The following BCAS3 variants were observed in gnomAD, a reference collection of about 807,000 sequenced individuals.
BCAS3 encodes BCAS4/BCAS3 fusion.
A neutral mutation model predicts 116.1 loss-of-function variants in BCAS3; 53 were observed. The ratio of observed to expected loss-of-function variants is 0.46; its 90% CI spans 0.37 to 0.57. BCAS3 has a LOEUF of 0.57. Ranked by LOEUF, BCAS3 falls within the 20% of genes least tolerant of loss-of-function variation. The pLI, the probability that BCAS3 is intolerant of heterozygous loss-of-function variation, is 0.00. For synonymous variants in BCAS3, 391 were observed against 408.2 expected (o/e 0.96, Z 0.51); for missense variants, 917 against 1,165.4 (o/e 0.79, Z 3.10).
At chr17:60,757,574 T>C (rs1430817111) in intron 6 of BCAS3, among the ~76,000 whole-genome samples, 1 of 152,106 alleles carries the variant, frequency 6.6e-6, no homozygotes, top group Admixed American at 6.6e-5. Flanking sequence ...CTTCTTTTGA[T>C]AAATGTCTAT....
intron 22 of BCAS3, chr17:61,086,849 C>G: frequency 2.0e-6 from 2 of 985,326 alleles, no homozygotes; most frequent in Non-Finnish European, 2.4e-6. Context: ...AGCTACCTCT[C>G]AATTGGTTCA....
At chr17:61,359,091 T>C (rs1203817537) in intron 22 of BCAS3, among the ~76,000 whole-genome samples, 1 of 152,140 alleles carries the variant, frequency 6.6e-6, no homozygotes, top group African/African-American at 2.4e-5. Context: ...GCTATGTAAT[T>C]GACGCATAAC....
rs1354123523 is a variant in BCAS3 at position 61,151,711 on chromosome 17, G to GC, written c.2425+67151dup. ...GGGCTCAAGTGAGCCTCCTGCCTTG[G>GC]CCCCGCAAAGTGCTGGGATTACAAG... On this transcript the variant is annotated intron_variant, in intron 22 of 23. Transcript: ENST00000407086. This position sits in a 1 kb window ranked among gnomAD's most constrained non-coding sequence, Gnocchi z 4.8. 2.6e-5 allele frequency among the ~76,000 whole-genome samples: 4 copies of GC among 152,214 alleles called. No homozygotes were observed. In the South Asian group the frequency reaches 6.2e-4, roughly 24 times the overall value.
intron 5 of BCAS3, among the ~76,000 whole-genome samples, chr17:60,717,763 C>T (rs2038799242): frequency 6.6e-6 from 1 of 152,140 alleles, no homozygotes; most frequent in Admixed American, 6.6e-5. Context: ...TTGTGGAAGA[C>T]AGTTTTTCCA....
At chr17:60,878,351 T>G (rs2144933159) in intron 9 of BCAS3, among the ~76,000 whole-genome samples, 1 of 152,222 alleles carries the variant, frequency 6.6e-6, no homozygotes, top group East Asian at 1.9e-4. Context: ...TTTAATATAG[T>G]TGTCAGAAGG....
intron 5 of BCAS3, among the ~76,000 whole-genome samples, chr17:60,715,981 G>C (rs2144055360): frequency 6.6e-6 from 1 of 152,172 alleles, no homozygotes; most frequent in South Asian, 2.1e-4. Context: ...TCCTGCCTCA[G>C]CCTCCTGAGT....
Position 61,349,632 on chromosome 17 carries a change from CAT to C in BCAS3, c.2426-18692_2426-18691del, listed in dbSNP as rs746448080. Among the ~76,000 whole-genome samples the C allele has an allele frequency of 1.6e-4, 25 of 152,166 alleles. No homozygotes were observed. Among genetic ancestry groups the C allele is most frequent in the African/African-American group, 5.5e-4 (23 of 41,444 alleles). Reference sequence around the variant, plus strand: ...AATCCAACATGTTTTTTAAAGCTAGCATATGTTTCAAAGCTGACTATTAAAGA... The same window carrying C: ...AATCCAACATGTTTTTTAAAGCTAGCATGTTTCAAAGCTGACTATTAAAGA... On this transcript the variant is annotated intron_variant, in intron 22 of 23. Transcript: ENST00000407086. This position sits in a 1 kb window ranked among gnomAD's most constrained non-coding sequence, Gnocchi z 4.7.
intron 12 of BCAS3, among the ~76,000 whole-genome samples, chr17:60,919,977 A>G (rs1298880692): frequency 6.6e-6 from 1 of 152,184 alleles, no homozygotes; most frequent in Non-Finnish European, 1.5e-5. Context: ...ATAAATATAC[A>G]TAGTAAAATG....
At chr17:61,075,468 C>G (rs894258627) in intron 20 of BCAS3, among the ~76,000 whole-genome samples, 1 of 152,130 alleles carries the variant, frequency 6.6e-6, no homozygotes, top group African/African-American at 2.4e-5. Flanking sequence ...GCATGCACCA[C>G]CATGCCTGGC....
At chr17:61,322,830 C>CAGAGAGAGAGAGAGAGAGAG (rs1237128472) in intron 22 of BCAS3, among the ~76,000 whole-genome samples, 2 of 75,430 alleles carry the variant, frequency 2.7e-5, no homozygotes, top group Non-Finnish European at 5.5e-5. Flanking sequence ...GAGAGAGAGA[C>CAGAGAGAGAGAGAGAGAGAG]AGAGAGAGAG....
intron 22 of BCAS3, among the ~76,000 whole-genome samples, chr17:61,303,668 C>A (rs1385487828): frequency 6.6e-6 from 1 of 152,204 alleles, no homozygotes; most frequent in Non-Finnish European, 1.5e-5. Context: ...ACCCTCTCTT[C>A]TTTTGCCTAT....
intron 22 of BCAS3, among the ~76,000 whole-genome samples, chr17:61,284,448 C>T (rs764079142): frequency 6.6e-6 from 1 of 152,192 alleles, no homozygotes; most frequent in Non-Finnish European, 1.5e-5. Context: ...CACATCTGAA[C>T]ATCTCAAGGA....
At chr17:60,772,897 T>C (rs1007807187) in intron 6 of BCAS3, among the ~76,000 whole-genome samples, 1 of 152,096 alleles carries the variant, frequency 6.6e-6, no homozygotes, top group African/African-American at 2.4e-5. Flanking sequence ...GGGCTTAACG[T>C]GAAGCAAGTA....
In BCAS3 at chr17:61,130,419, C is replaced by T. The variant is rs2076269698; in HGVS notation, c.2425+45855C>T. Among the ~76,000 whole-genome samples, 1 of 152,144 alleles carries T rather than the reference C, an allele frequency of 6.6e-6. No individual in the cohort carries two copies. ...CCCAATCATTAGAATAACCACAAAACCGATTCTTAATTACCTCTTGCCTGG... is the reference window on the plus strand; with the variant it reads ...CCCAATCATTAGAATAACCACAAAATCGATTCTTAATTACCTCTTGCCTGG... On this transcript the variant is annotated intron_variant, in intron 22 of 23. Coordinates refer to ENST00000407086, the MANE Select transcript of BCAS3 (RefSeq NM_017679.5). This position sits in a 1 kb window ranked among gnomAD's most constrained non-coding sequence, Gnocchi z 5.0.
At chr17:61,237,007 T>G (rs2083113708) in intron 22 of BCAS3, among the ~76,000 whole-genome samples, 1 of 152,186 alleles carries the variant, frequency 6.6e-6, no homozygotes, top group African/African-American at 2.4e-5. Context: ...GGACTTCCTT[T>G]GGTAAAGCAA....
At chr17:60,972,855 C>A (rs933125331) in intron 14 of BCAS3, among the ~76,000 whole-genome samples, 11 of 152,202 alleles carry the variant, frequency 7.2e-5, no homozygotes, top group Non-Finnish European at 1.5e-4. Context: ...TTTTATATTT[C>A]TATATGTTTT....
At chr17:60,992,573 G>A (rs1288195421) in intron 15 of BCAS3, among the ~76,000 whole-genome samples, 7 of 152,072 alleles carry the variant, frequency 4.6e-5, no homozygotes, top group Non-Finnish European at 1.0e-4. Context: ...TACCTGTTGG[G>A]TACTACGCTC....
intron 22 of BCAS3, among the ~76,000 whole-genome samples, chr17:61,154,635 A>C (rs2077729379): frequency 6.6e-6 from 1 of 151,384 alleles, no homozygotes; most frequent in South Asian, 2.1e-4. Flanking sequence ...TATAGATGAG[A>C]TCTCTCTACA....
intron 7 of BCAS3, among the ~76,000 whole-genome samples, chr17:60,856,089 C>A (rs529291709): frequency 6.6e-6 from 1 of 152,274 alleles, no homozygotes; most frequent in Non-Finnish European, 1.5e-5. Context: ...AGGCCATGTC[C>A]GAGGTCAGCT....
Sources: allele counts gnomAD v4.1 joint callset (sites outside exome capture counted in the v4.1 genomes callset), GRCh38; gene constraint gnomAD v4.1.1; non-coding constraint Gnocchi (gnomAD v3.1); transcripts MANE v1.5; gene names NCBI Gene and HGNC (gene_info 2026-07-23, HGNC 2026-07-21).